Variants in HELZ observed in about 807,000 individuals in gnomAD.
HELZ encodes helicase with zinc finger.
In HELZ, 23 loss-of-function variants were observed where a neutral mutation model predicts 218.2. That is an observed-to-expected ratio of 0.11 (90% CI 0.08 to 0.15). The LOEUF (loss-of-function observed/expected upper bound fraction) is 0.15, where lower values mean the gene tolerates loss of function less well. HELZ is among the 10% of genes least tolerant of loss of function. The probability of loss-of-function intolerance (pLI) is 1.00; values close to 1 mark genes in which losing one functional copy is unlikely to be tolerated. For synonymous variants in HELZ, 814 were observed against 829.4 expected (o/e 0.98, Z 0.32); for missense variants, 1,813 against 2,353.7 (o/e 0.77, Z 4.75).
At chr17:67,217,978 A>G (rs1282040056) in intron 4 of HELZ, among the ~76,000 whole-genome samples, 2 of 146,456 alleles carry the variant, frequency 1.4e-5, no homozygotes, top group African/African-American at 2.6e-5. Flanking sequence ...CCTGTTGCCC[A>G]GGCTGGAGGG....
chr17:67,135,640 G>A lies in HELZ; in HGVS notation c.3182+330C>T, dbSNP rs142174081. Among the ~76,000 whole-genome samples the A allele has an allele frequency of 7.9e-5, 12 of 152,206 alleles. No individual in the cohort carries two copies. In the East Asian group the frequency reaches 2.3e-3, roughly 29 times the overall value. On this transcript the variant is annotated intron_variant, in intron 23 of 32. Coordinates refer to ENST00000358691, the MANE Select transcript of HELZ (RefSeq NM_014877.4). ...TACGGTAATCTTCCTCTCCTTACCA[G>A]TAAAAAGTAAGCCCCACCAATAAAA... is the stretch of plus-strand genomic sequence containing the variant.
intron 5 of HELZ, among the ~76,000 whole-genome samples, chr17:67,209,071 A>T (rs56319317): frequency 0.15 from 19,938 of 136,512 alleles, 1,623 homozygotes; most frequent in East Asian, 0.19. Context: ...GAAGGAAAGA[A>T]GGTAGGTTGG....
intron 26 of HELZ, 55 bp from the exon 27 acceptor site, chr17:67,120,667 G>T: frequency 8.3e-7 from 1 of 1,203,562 alleles, no homozygotes; most frequent in Non-Finnish European, 1.2e-6. Flanking sequence ...AAGGCAAACT[G>T]CTAGAGTGCT....
chr17:67,236,818 G>T (rs2041197210), intron 3 of HELZ, among the ~76,000 whole-genome samples: 1 of 152,086 alleles, frequency 6.6e-6, no homozygotes, highest in Admixed American at 6.5e-5. Flanking sequence ...CCAAGGAAAT[G>T]AAGGGGTTCC....
chr17:67,118,124 A>C (rs2037485640), intron 27 of HELZ, among the ~76,000 whole-genome samples: 1 of 152,244 alleles, frequency 6.6e-6, no homozygotes, highest in Non-Finnish European at 1.5e-5. Flanking sequence ...TACCTGACTT[A>C]AAGACTTTTA....
rs2037705420 is a variant in HELZ at position 67,124,027 on chromosome 17, AC to A, written c.3388-14del. On this transcript the variant is annotated splice_polypyrimidine_tract_variant and intron_variant, in intron 24 of 32. Transcript: ENST00000358691. ...GAAGACTTTTCCCCTTTAAAGAAAA[AC>A]ACAAATGTATAATAATTTAAGCATG... 1 of 1,525,642 alleles carries A rather than the reference AC, an allele frequency of 6.6e-7. No homozygotes were observed. Among genetic ancestry groups the A allele is most frequent in the African/African-American group, 1.4e-5 (1 of 73,144 alleles). 94.5% of individuals were successfully genotyped at this position (1,525,642 alleles called of 1,614,324 possible).
intron 17 of HELZ, among the ~76,000 whole-genome samples, chr17:67,153,254 G>C (rs990292398): frequency 2.0e-5 from 3 of 152,144 alleles, no homozygotes; most frequent in Non-Finnish European, 4.4e-5. Context: ...ATGCAGGAAA[G>C]AAGAAGCTGT....
intron 13 of HELZ, among the ~76,000 whole-genome samples, chr17:67,171,396 T>G (rs1425354589): frequency 6.6e-6 from 1 of 152,190 alleles, no homozygotes; most frequent in African/African-American, 2.4e-5. Context: ...AATGGCACTG[T>G]CATCCACGTA....
intron 26 of HELZ, among the ~76,000 whole-genome samples, chr17:67,122,520 G>C (rs183078935): frequency 1.1e-3 from 168 of 151,588 alleles, no homozygotes; most frequent in Middle Eastern, 3.4e-3. Flanking sequence ...CACTCCAGCC[G>C]GGGCAACAGA....
Position 67,166,623 on chromosome 17 carries a change from G to A in HELZ, c.1765-15C>T, listed in dbSNP as rs1216716451. The stretch of plus-strand genomic sequence containing the variant: ...TGAAGTTCAACCTGAAAGACAAAAT[G>A]AATGTTTTAAAAACTGCATGAAAGC... On this transcript the variant is annotated splice_polypyrimidine_tract_variant and intron_variant, in intron 14 of 32. Transcript: ENST00000358691. 1.2e-6 allele frequency: 2 copies of A among 1,612,276 alleles called. No homozygotes were observed. Among genetic ancestry groups the A allele is most frequent in the African/African-American group, 1.3e-5 (1 of 75,008 alleles).
Position 67,144,985 on chromosome 17 carries a change from G to T in HELZ, c.2769+758C>A, listed in dbSNP as rs77499400. On this transcript the variant is annotated intron_variant, in intron 21 of 32. Coordinates refer to ENST00000358691, the MANE Select transcript of HELZ (RefSeq NM_014877.4). ...TTCTAACTACAGGCCCATGAGCAAT[G>T]TCTTAACGGAAAAATGAATTCCTAC... 4.4e-4 allele frequency among the ~76,000 whole-genome samples: 67 copies of T among 152,218 alleles called. No homozygotes were observed. In the East Asian group the frequency reaches 0.012, roughly 28 times the overall value.
chr17:67,168,838 T>A lies in HELZ; in HGVS notation c.1431-1042A>T, dbSNP rs186514994. Among the ~76,000 whole-genome samples, 511 of 152,262 alleles carry A rather than the reference T, an allele frequency of 3.4e-3. 1 individual carries two copies. Among genetic ancestry groups the A allele is most frequent in the Non-Finnish European group, 4.7e-3 (323 of 68,006 alleles). ...CGGACATGGTGGCTCACGCCTGTAA[T>A]CCTAGCACTATGGGAGGCTAAGGCG... On this transcript the variant is annotated intron_variant, in intron 13 of 32. Transcript: ENST00000358691.
chr17:67,136,242 T>G (rs766928818), intron 22 of HELZ, 44 bp from the exon 23 acceptor site: 15 of 1,230,850 alleles, frequency 1.2e-5, no homozygotes, highest in Non-Finnish European at 1.8e-5. Flanking sequence ...ATTGTCATTC[T>G]GAACCACTGA....
Position 67,116,886 on chromosome 17 carries a change from G to C in HELZ, c.3839-2483C>G, listed in dbSNP as rs796140359. ...TTTTTCTTTTTTCAAACAGAGTTTC[G>C]CTCTTGTTGCCCAGGCTGGAGTGCA... On this transcript the variant is annotated intron_variant, in intron 27 of 32. Transcript: ENST00000358691. Among the ~76,000 whole-genome samples the C allele has an allele frequency of 2.6e-5, 4 of 152,100 alleles. No individual in the cohort carries two copies. The South Asian group carries it at 8.3e-4, about 32-fold the overall frequency.
At chr17:67,216,994 T>TC (rs2040617297) in intron 4 of HELZ, among the ~76,000 whole-genome samples, 1 of 152,148 alleles carries the variant, frequency 6.6e-6, no homozygotes, top group Non-Finnish European at 1.5e-5. Flanking sequence ...ATGCTCATTT[T>TC]CCCTTGGTGA....
rs1410230816 is a variant in HELZ at position 67,107,282 on chromosome 17, G to T, written c.5128C>A (p.Pro1710Thr). 6.2e-7 allele frequency: 1 copy of T among 1,614,076 alleles called. No homozygotes were observed. The highest frequency in any genetic ancestry group is 8.5e-7 in the Non-Finnish European group (1 of 1,180,032). ...YGLPPLPHRP[P>T]QNPFVQIQNH... ...TGTATTTGTACAAAAGGGTTCTGCG[G>T]TGGCCTGTGAGGCAATGGAGGTAGG... The change falls in exon 31 of 33, where the codon CCG (proline) becomes ACG (threonine). Residue 1710 changes from proline (P) to threonine (T), a missense_variant. This residue lies in a region of HELZ where 938 missense variants were observed against 1,027.5 expected (regional missense o/e 0.91). Transcript: ENST00000358691.
rs2037138844 is a variant in HELZ, at chr17:67,107,422, G to A, written c.4988C>T (p.Ser1663Leu). ...LPPQIFNSPF[S>L]LPSEHLAPPP... ...AGGGGCAAGGTGTTCAGATGGCAAC[G>A]AGAAAGGTGAGTTGAATATCTGGGG... Residue 1663 changes from serine to leucine, a missense_variant, in exon 31 of 33, where the codon TCG becomes TTG. Physicochemically the swap from Ser to Leu is moderately radical, Grantham distance 145 (BLOSUM62 -2). This residue lies in a region of HELZ where 938 missense variants were observed against 1,027.5 expected (regional missense o/e 0.91). Coordinates refer to ENST00000358691, the MANE Select transcript of HELZ (RefSeq NM_014877.4). 7.4e-6 allele frequency: 12 copies of A among 1,614,076 alleles called. No individual in the cohort carries two copies. The highest frequency in any genetic ancestry group is 2.7e-5 in the African/African-American group (2 of 74,930).
chr17:67,237,563 AT>A (rs564482878), intron 3 of HELZ, among the ~76,000 whole-genome samples: 11 of 150,700 alleles, frequency 7.3e-5, no homozygotes, highest in African/African-American at 1.2e-4. Flanking sequence ...ATGTAGATAG[AT>A]TTTTTTTTTA....
intron 12 of HELZ, 125 bp from the exon 13 acceptor site, chr17:67,179,051 T>C (rs2039535964): frequency 1.6e-6 from 1 of 622,102 alleles, no homozygotes; most frequent in African/African-American, 1.9e-5. Flanking sequence ...CTCAAATTCT[T>C]AAAAACAAAA....
Sources: allele counts gnomAD v4.1 joint callset (sites outside exome capture counted in the v4.1 genomes callset), GRCh38; gene constraint gnomAD v4.1.1; regional missense constraint gnomAD v4.1.1; transcripts MANE v1.5; gene names NCBI Gene and HGNC (gene_info 2026-07-23, HGNC 2026-07-21).